Variants in RPN2 observed in about 807,000 individuals in gnomAD.
RPN2 encodes dolichyl-diphosphooligosaccharide--protein glycosyltransferase subunit 2.
Under a neutral mutation model 71.4 loss-of-function variants are expected in RPN2, and 29 were observed. That is an observed-to-expected ratio of 0.41 (90% CI 0.30 to 0.55). The LOEUF is 0.55. Ranked by LOEUF, RPN2 falls within the 20% of genes least tolerant of loss-of-function variation. RPN2 has a pLI of 0.35. For missense variants in RPN2, 726 were observed against 774.1 expected, an observed-to-expected ratio of 0.94 and a Z score of 0.74; for synonymous variants, 308 against 305.0, an observed-to-expected ratio of 1.01 and a Z score of -0.10.
chr20:37,202,755 T>C (rs1194830521), intron 4 of RPN2, among the ~76,000 whole-genome samples: 1 of 152,194 alleles, frequency 6.6e-6, no homozygotes, highest in African/African-American at 2.4e-5. Context: ...ACAACATGGA[T>C]GAGCCTTGAA....
chr20:37,235,467 G>A (rs1477151596), intron 15 of RPN2, among the ~76,000 whole-genome samples: 1 of 152,172 alleles, frequency 6.6e-6, no homozygotes, highest in African/African-American at 2.4e-5. Context: ...TGGCTGGTAA[G>A]GGCAGGGCCT....
intron 11 of RPN2, among the ~76,000 whole-genome samples, chr20:37,226,637 A>G (rs2068084626): frequency 6.6e-6 from 1 of 152,236 alleles, no homozygotes; most frequent in African/African-American, 2.4e-5. Context: ...ACTCTGAAGA[A>G]TAGCCCTTTT....
chr20:37,213,228 G>C (rs1417912165), intron 8 of RPN2, among the ~76,000 whole-genome samples: 1 of 152,138 alleles, frequency 6.6e-6, no homozygotes, highest in African/African-American at 2.4e-5. Context: ...AAGCTACCAG[G>C]AGTTTGAATT....
At chr20:37,198,055 G>A (rs1313162298) in intron 2 of RPN2, among the ~76,000 whole-genome samples, 1 of 152,158 alleles carries the variant, frequency 6.6e-6, no homozygotes, top group Non-Finnish European at 1.5e-5. Context: ...CAGGTAAATG[G>A]GGATAGTGAT....
intron 1 of RPN2, chr20:37,179,644 A>G: frequency 1.5e-6 from 1 of 680,600 alleles, no homozygotes; most frequent in Non-Finnish European, 2.2e-6. Flanking sequence ...GGACGCGCTT[A>G]GCCTAGGTCT....
chr20:37,195,801 A>T (rs777397390), intron 2 of RPN2, among the ~76,000 whole-genome samples: 4 of 152,104 alleles, frequency 2.6e-5, no homozygotes, highest in Non-Finnish European at 5.9e-5. Context: ...AGCTTTACTT[A>T]TTCTCTTCAG....
intron 4 of RPN2, among the ~76,000 whole-genome samples, chr20:37,199,774 G>C (rs898494638): frequency 8.5e-5 from 13 of 152,272 alleles, no homozygotes; most frequent in Middle Eastern, 3.4e-3. Flanking sequence ...GTTATAAATG[G>C]AAATATTGTA....
intron 2 of RPN2, among the ~76,000 whole-genome samples, chr20:37,188,600 T>C (rs1479568986): frequency 6.8e-6 from 1 of 146,658 alleles, no homozygotes; most frequent in Non-Finnish European, 1.5e-5. Flanking sequence ...AAGGGCAGAA[T>C]TGATAGTCCC....
chr20:37,204,710 T>C (rs2146587577), intron 5 of RPN2, 57 bp from the exon 6 acceptor site: 1 of 1,601,630 alleles, frequency 6.2e-7, no homozygotes, highest in Non-Finnish European at 8.6e-7. Flanking sequence ...CAGTGGTTCG[T>C]GCATCTCATT....
At chr20:37,239,530 G>A (rs777413594) in intron 16 of RPN2, among the ~76,000 whole-genome samples, 13 of 152,226 alleles carry the variant, frequency 8.5e-5, no homozygotes, top group Non-Finnish European at 1.6e-4. Context: ...GGATGTGTGA[G>A]CATAAGCTGG....
At position 37,225,602 on chromosome 20, in the gene RPN2, G is replaced by A. The variant is rs144627677; in HGVS notation, c.1185-86G>A. 2.1e-3 allele frequency: 1,877 copies of A among 873,560 alleles called. 8 individuals are homozygous for A. Among genetic ancestry groups the A allele is most frequent in the Non-Finnish European group, 2.8e-3 (1,474 of 517,986 alleles). The allele number at this position is 873,560 out of a possible 1,614,324, so 54.1% of individuals were successfully genotyped here. ...TGTTACTATGGGAGAGGGTGGTTGA[G>A]GCAATGAAGTGAAGTATATATTTTC... On this transcript the variant is annotated intron_variant, in intron 10 of 16. Transcript: ENST00000237530.
At chr20:37,217,933 G>A (rs1202513655) in intron 9 of RPN2, among the ~76,000 whole-genome samples, 2 of 151,604 alleles carry the variant, frequency 1.3e-5, no homozygotes, top group Non-Finnish European at 2.9e-5. Flanking sequence ...ACGGGGTTTT[G>A]CCTTGTTGGC....
chr20:37,224,996 C>T (rs1292150021), intron 10 of RPN2, among the ~76,000 whole-genome samples: 4 of 152,144 alleles, frequency 2.6e-5, no homozygotes, highest in Non-Finnish European at 4.4e-5. Flanking sequence ...GTCTTACTTA[C>T]GAGTAAATGT....
At chr20:37,196,291 C>G (rs1215375150) in intron 2 of RPN2, among the ~76,000 whole-genome samples, 2 of 152,008 alleles carry the variant, frequency 1.3e-5, no homozygotes, top group Non-Finnish European at 2.9e-5. Flanking sequence ...TGCAGTGGCA[C>G]GATCTTGGCT....
chr20:37,222,936 A>G (rs57327731), intron 9 of RPN2, among the ~76,000 whole-genome samples: 4,231 of 152,350 alleles, frequency 0.028, 73 homozygotes, highest in Middle Eastern at 0.041. Flanking sequence ...AAGAGTCAAC[A>G]TGGATTGGTT....
rs201745779 is a variant in RPN2 at position 37,223,842 on chromosome 20, A to G, written c.1093-36A>G. On this transcript the variant is annotated intron_variant, in intron 9 of 16. Coordinates refer to ENST00000237530, the MANE Select transcript of RPN2 (RefSeq NM_002951.5). ...CATGTGAATTCCTGAACACCCACCA[A>G]TTGACCTGGCAACTGTCTTCTCTAT... 263 of 1,574,970 alleles carry G rather than the reference A, an allele frequency of 1.7e-4. 1 individual carries two copies. Among genetic ancestry groups the G allele is most frequent in the Admixed American group, 2.8e-4 (17 of 59,932 alleles).
At chr20:37,235,617 T>C (rs1468527789) in intron 15 of RPN2, among the ~76,000 whole-genome samples, 2 of 152,170 alleles carry the variant, frequency 1.3e-5, no homozygotes, top group Admixed American at 1.3e-4. Context: ...AAAGAAATTA[T>C]TCATTTATTT....
chr20:37,199,319 C>A, intron 4 of RPN2, 94 bp downstream of exon 4: 2 of 1,463,356 alleles, frequency 1.4e-6, no homozygotes, highest in South Asian at 1.2e-5. Flanking sequence ...ACTTTCTGGG[C>A]AAGTACTTGC....
chr20:37,237,060 C>T (rs943589840), intron 16 of RPN2, among the ~76,000 whole-genome samples: 1 of 152,140 alleles, frequency 6.6e-6, no homozygotes, highest in Non-Finnish European at 1.5e-5. Flanking sequence ...CCCTGCCCTC[C>T]CCACCCTCAA....
Sources: gnomAD v4.1 joint callset for allele counts (sites outside exome capture counted in the v4.1 genomes callset) on GRCh38, gnomAD v4.1.1 for gene constraint, MANE v1.5 for transcripts, NCBI Gene and HGNC (gene_info 2026-07-23, HGNC 2026-07-21) for gene names.